The following RAB38 variants were observed in gnomAD, a reference collection of about 807,000 sequenced individuals.
The protein encoded by RAB38 is RAB38, member RAS oncogene family, also known as ras-related protein Rab-38.
In RAB38, 15 loss-of-function variants were observed where a neutral mutation model predicts 18.4. The ratio of observed to expected loss-of-function variants is 0.82; its 90% confidence interval spans 0.55 to 1.26. The LOEUF (loss-of-function observed/expected upper bound fraction) is 1.26. Ranked by LOEUF, RAB38 falls within the 50% of genes most tolerant of loss-of-function variation. RAB38 has a pLI of 0.00. For missense variants in RAB38, 294 were observed against 267.4 expected (o/e 1.10, Z -0.69); for synonymous variants, 101 against 104.4 (o/e 0.97, Z 0.20).
chr11:87,910,633 CTTTTTTTTTTTTTTTT>C, the RAB38 span, among the ~76,000 whole-genome samples: 27 of 131,094 alleles, frequency 2.1e-4, no homozygotes, highest in Middle Eastern at 4.0e-3. Context: ...AGTTCATTTT[CTTTTTTTTTTTTTTTT>C]TTTTTTTTTT....
the RAB38 span, among the ~76,000 whole-genome samples, chr11:87,918,635 G>T: frequency 6.6e-6 from 1 of 152,002 alleles, no homozygotes; most frequent in Non-Finnish European, 1.5e-5. Context: ...GACTACTGGT[G>T]ATCATTTTTT....
intron 1 of RAB38, among the ~76,000 whole-genome samples, chr11:88,154,270 T>C (rs11607857): frequency 0.25 from 37,421 of 152,048 alleles, 4,652 homozygotes; most frequent in Admixed American, 0.27. Context: ...GAAAGGCAAC[T>C]ATTCATTTTA....
intron 1 of RAB38, chr11:88,173,469 T>C: frequency 1.1e-6 from 1 of 944,634 alleles, no homozygotes; most frequent in Non-Finnish European, 1.3e-6. Flanking sequence ...GCAGTTCAAC[T>C]CTGGAATTTG....
chr11:88,135,144 G>C (rs187193364), intron 2 of RAB38, among the ~76,000 whole-genome samples: 2 of 151,880 alleles, frequency 1.3e-5, no homozygotes, highest in Admixed American at 6.6e-5. Context: ...AACCTTCCCC[G>C]GTCACCCTGT....
the RAB38 span, among the ~76,000 whole-genome samples, chr11:88,054,991 T>C: frequency 6.6e-6 from 1 of 152,230 alleles, no homozygotes; most frequent in Non-Finnish European, 1.5e-5. Context: ...AGGTAGACTA[T>C]TTGATCTTGG....
At chr11:87,919,853 T>G in the RAB38 span, among the ~76,000 whole-genome samples, 18 of 152,164 alleles carry the variant, frequency 1.2e-4, no homozygotes, top group African/African-American at 4.3e-4. Context: ...GTCTAGGAAT[T>G]TATTCATTTC....
At chr11:88,165,413 G>A (rs1306622217) in intron 1 of RAB38, among the ~76,000 whole-genome samples, 1 of 152,042 alleles carries the variant, frequency 6.6e-6, no homozygotes, top group Non-Finnish European at 1.5e-5. Context: ...AGCTCATTAT[G>A]AGCTGTAAAT....
chr11:88,079,007 A>G, the RAB38 span, among the ~76,000 whole-genome samples: 2 of 151,932 alleles, frequency 1.3e-5, no homozygotes, highest in Non-Finnish European at 2.9e-5. Context: ...ATGTACATCT[A>G]TTATGTATCA....
chr11:87,852,548 C>T, the RAB38 span, among the ~76,000 whole-genome samples: 42 of 151,948 alleles, frequency 2.8e-4, 1 homozygote, highest in Admixed American at 2.7e-3. Context: ...GTAAAAGGCC[C>T]CGAATTGAGA....
the RAB38 span, among the ~76,000 whole-genome samples, chr11:87,918,998 T>A: frequency 1.3e-5 from 2 of 152,032 alleles, no homozygotes; most frequent in Non-Finnish European, 2.9e-5. Context: ...TTATACTGTA[T>A]TTACAGTTTA....
chr11:87,811,684 T>C, the RAB38 span, among the ~76,000 whole-genome samples: 1 of 152,198 alleles, frequency 6.6e-6, no homozygotes, highest in Non-Finnish European at 1.5e-5. Context: ...GTGGTTGTCT[T>C]AAACCTTTTA....
rs61028696 is a variant in RAB38, at chr11:88,123,274, C to T, written c.484-9134G>A. 7.2e-3 allele frequency among the ~76,000 whole-genome samples: 1,094 copies of T among 152,210 alleles called. 5 individuals carry two copies. Among genetic ancestry groups the T allele is most frequent in the African/African-American group, 0.025 (1,055 of 41,512 alleles). On this transcript the variant is annotated intron_variant, in intron 2 of 2. Transcript: ENST00000243662. ...GGAGCTTCCAGGAGTTTCATTGCCC[C>T]ATCCTGGTGTCTAGCACAGTGCCTA...
intron 2 of RAB38, among the ~76,000 whole-genome samples, chr11:88,123,173 G>A (rs1387674690): frequency 6.6e-6 from 1 of 152,190 alleles, no homozygotes; most frequent in Non-Finnish European, 1.5e-5. Context: ...CCGAGGCTGA[G>A]CAGGAATCCC....
the RAB38 span, among the ~76,000 whole-genome samples, chr11:88,063,386 C>A: frequency 1.1e-4 from 16 of 152,040 alleles, no homozygotes; most frequent in Admixed American, 3.3e-4. Flanking sequence ...GAAGTTTCTA[C>A]AGCCTTCAAG....
At chr11:88,068,523 A>G in the RAB38 span, among the ~76,000 whole-genome samples, 1 of 152,352 alleles carries the variant, frequency 6.6e-6, no homozygotes, top group African/African-American at 2.4e-5. Context: ...CATTGCATTT[A>G]CACTATACAT....
the RAB38 span, among the ~76,000 whole-genome samples, chr11:87,955,779 T>C: frequency 7.9e-5 from 12 of 152,130 alleles, no homozygotes; most frequent in East Asian, 1.5e-3. Context: ...CTATAAAATA[T>C]TGGTTTTCTA....
chr11:88,018,972 G>T, the RAB38 span, among the ~76,000 whole-genome samples: 1,500 of 151,858 alleles, frequency 9.9e-3, 13 homozygotes, highest in Non-Finnish European at 0.016. Flanking sequence ...TTTATTTTTG[G>T]AAGGACATTT....
chr11:88,153,532 C>A (rs1050564950), intron 1 of RAB38, among the ~76,000 whole-genome samples: 1 of 152,190 alleles, frequency 6.6e-6, no homozygotes, highest in Admixed American at 6.5e-5. Flanking sequence ...TTGCTCCTCA[C>A]CTGGACCCCT....
the RAB38 span, among the ~76,000 whole-genome samples, chr11:87,916,122 T>C: frequency 1.3e-5 from 2 of 152,154 alleles, no homozygotes; most frequent in Admixed American, 6.5e-5. Context: ...GGGACTGATT[T>C]TGGCTTTTGT....
Sources: allele counts gnomAD v4.1 joint callset (sites outside exome capture counted in the v4.1 genomes callset), GRCh38; gene constraint gnomAD v4.1.1; transcripts MANE v1.5; gene names NCBI Gene and HGNC (gene_info 2026-07-23, HGNC 2026-07-21).